STK39: variants seen among roughly 807,000 people sequenced by gnomAD.
The protein encoded by STK39 is STE20/SPS1-related proline-alanine-rich protein kinase.
Under a neutral mutation model 77.8 loss-of-function variants are expected in STK39, and 20 were observed. The observed-to-expected ratio is 0.26, with a 90% CI of 0.18 to 0.37. The LOEUF is 0.37. STK39 is among the 10% of genes least tolerant of loss of function. The pLI is 1.00. For missense variants in STK39, 479 were observed against 656.5 expected (o/e 0.73, Z 2.95); for synonymous variants, 246 against 234.1 (o/e 1.05, Z -0.47).
intron 10 of STK39, among the ~76,000 whole-genome samples, chr2:168,116,639 C>A (rs557310778): frequency 2.6e-5 from 4 of 152,174 alleles, no homozygotes; most frequent in Admixed American, 6.5e-5. Context: ...GTACCACACC[C>A]CCTGCTGGCC....
At chr2:167,957,065 A>C (rs1467948724) in intron 17 of STK39, among the ~76,000 whole-genome samples, 1 of 151,950 alleles carries the variant, frequency 6.6e-6, no homozygotes, top group Non-Finnish European at 1.5e-5. Flanking sequence ...CTGTTCAAAA[A>C]AACAGTACAG....
rs79929131 is a variant in STK39 at position 168,141,398 on chromosome 2, C to T, written c.629-640G>A. On this transcript the variant is annotated intron_variant, in intron 5 of 17. Transcript: ENST00000355999. ...CCGTGAACATTTCCTTTGAATGTCA[C>T]CTCACATTCAAAAAGTTTCAGAATT... 6.6e-5 allele frequency among the ~76,000 whole-genome samples: 10 copies of T among 152,246 alleles called. No individual in the cohort carries two copies. The East Asian group carries it at 1.9e-3, about 29-fold the overall frequency.
chr2:168,184,943 G>T (rs72876927), intron 1 of STK39, among the ~76,000 whole-genome samples: 24,862 of 152,080 alleles, frequency 0.16, 2,092 homozygotes, highest in East Asian at 0.25. Flanking sequence ...AATTCTAAAG[G>T]ACATTTAGAA....
At chr2:168,181,818 A>G (rs1186517902) in intron 2 of STK39, among the ~76,000 whole-genome samples, 160 bp downstream of exon 2, 1 of 152,238 alleles carries the variant, frequency 6.6e-6, no homozygotes, top group East Asian at 1.9e-4. Flanking sequence ...ATCATAAGGT[A>G]CAGTCCCATT....
At chr2:168,027,627 T>C (rs1684733924) in intron 14 of STK39, among the ~76,000 whole-genome samples, 1 of 152,304 alleles carries the variant, frequency 6.6e-6, no homozygotes, top group South Asian at 2.1e-4. Context: ...CGTGTGTGCA[T>C]GAGCACACAC....
chr2:168,010,240 C>A (rs1684237069), intron 16 of STK39, among the ~76,000 whole-genome samples: 1 of 148,012 alleles, frequency 6.8e-6, no homozygotes, highest in African/African-American at 2.7e-5. Context: ...GCATATGGAC[C>A]ATAGCTCTCT....
intron 10 of STK39, among the ~76,000 whole-genome samples, chr2:168,121,060 G>A (rs944382874): frequency 1.3e-5 from 2 of 152,142 alleles, no homozygotes; most frequent in African/African-American, 2.4e-5. Context: ...TGACAAATAC[G>A]CTCCCATTTT....
intron 16 of STK39, among the ~76,000 whole-genome samples, chr2:167,988,888 T>C (rs1683628455): frequency 6.6e-6 from 1 of 152,188 alleles, no homozygotes; most frequent in Non-Finnish European, 1.5e-5. Flanking sequence ...TCATGCTTTA[T>C]GGGAAGGGCA....
At chr2:168,153,413 C>T (rs1024592421) in intron 5 of STK39, among the ~76,000 whole-genome samples, 4 of 152,176 alleles carry the variant, frequency 2.6e-5, no homozygotes. Flanking sequence ...CTTCAGCCTG[C>T]TTCAGAACCC....
chr2:168,162,650 T>A (rs1379339852), intron 4 of STK39, among the ~76,000 whole-genome samples: 2 of 152,152 alleles, frequency 1.3e-5, no homozygotes, highest in African/African-American at 4.8e-5. Context: ...CTTCACCGTA[T>A]AAAACCTGTG....
chr2:167,994,096 AATGT>A (rs1366353464), intron 16 of STK39, among the ~76,000 whole-genome samples: 1 of 152,220 alleles, frequency 6.6e-6, no homozygotes, highest in Non-Finnish European at 1.5e-5. Context: ...CAGTTTAAGT[AATGT>A]AAAGGAAGTA....
chr2:168,080,547 GT>G (rs1313103024), intron 10 of STK39, among the ~76,000 whole-genome samples: 4 of 151,936 alleles, frequency 2.6e-5, no homozygotes, highest in African/African-American at 9.7e-5. Flanking sequence ...GGAGAATGAC[GT>G]GAACCTGGGA....
chr2:168,159,078 A>C (rs1198520863), intron 5 of STK39, among the ~76,000 whole-genome samples: 1 of 152,182 alleles, frequency 6.6e-6, no homozygotes, highest in African/African-American at 2.4e-5. Context: ...AAAAAACAAA[A>C]ATCATTATGT....
At chr2:168,200,850 T>C (rs997965413) in intron 1 of STK39, among the ~76,000 whole-genome samples, 4 of 152,164 alleles carry the variant, frequency 2.6e-5, no homozygotes, top group African/African-American at 9.7e-5. Flanking sequence ...TTTTATGAAA[T>C]CCACAGAAAT....
intron 14 of STK39, 62 bp from the exon 15 acceptor site, chr2:168,017,157 G>A: frequency 8.4e-7 from 1 of 1,187,776 alleles, no homozygotes; most frequent in South Asian, 1.6e-5. Flanking sequence ...CGAACTACAT[G>A]TATTCAGATT....
chr2:168,111,720 G>T (rs141043786), intron 10 of STK39, among the ~76,000 whole-genome samples: 37 of 152,260 alleles, frequency 2.4e-4, no homozygotes, highest in African/African-American at 8.4e-4. Context: ...TCAAAGAAAA[G>T]TTTGCAATAT....
rs1001075703 is a variant in STK39 at position 168,198,734 on chromosome 2, G to A, written c.209-16644C>T. ...ACTGTAACTTCACCGAAGACTCAGC[G>A]TTCACTAGGTGGCTAAGTGCTATTG... On this transcript the variant is annotated intron_variant, in intron 1 of 17. Transcript: ENST00000355999. Among the ~76,000 whole-genome samples, 8 of 152,280 alleles carry A rather than the reference G, an allele frequency of 5.3e-5. No homozygotes were observed. In the East Asian group the frequency reaches 9.6e-4, roughly 18 times the overall value.
At chr2:168,030,004 G>T (rs1432446232) in intron 14 of STK39, among the ~76,000 whole-genome samples, 1 of 152,150 alleles carries the variant, frequency 6.6e-6, no homozygotes, top group African/African-American at 2.4e-5. Context: ...ACTTTGGGAG[G>T]CCGAGGTGGG....
At chr2:168,015,892 A>G (rs6433028) in intron 15 of STK39, among the ~76,000 whole-genome samples, 21,567 of 152,178 alleles carry the variant, frequency 0.14, 3,391 homozygotes, top group African/African-American at 0.38. Flanking sequence ...GGATACCTCC[A>G]GAAAGAAAGA....
Sources: allele counts gnomAD v4.1 joint callset (sites outside exome capture counted in the v4.1 genomes callset), GRCh38; gene constraint gnomAD v4.1.1; transcripts MANE v1.5; gene names NCBI Gene and HGNC (gene_info 2026-07-23, HGNC 2026-07-21).